The following PTPRT variants were observed in gnomAD, a reference collection of about 807,000 sequenced individuals.
PTPRT encodes protein tyrosine phosphatase receptor type T.
Under a neutral mutation model 176.8 loss-of-function variants are expected in PTPRT, and 56 were observed. The observed-to-expected ratio is 0.32, with a 90% CI of 0.26 to 0.40. PTPRT has a LOEUF of 0.40. PTPRT is among the 10% of genes least tolerant of loss of function. PTPRT has a pLI of 1.00. For synonymous variants in PTPRT, 783 were observed against 739.0 expected, an observed-to-expected ratio of 1.06 and a Z score of -0.96; for missense variants, 1,540 against 1,908.2, an observed-to-expected ratio of 0.81 and a Z score of 3.60.
intron 1 of PTPRT, among the ~76,000 whole-genome samples, chr20:42,973,851 T>C (rs921453861): frequency 2.6e-5 from 4 of 152,248 alleles, no homozygotes; most frequent in Non-Finnish European, 5.9e-5. Flanking sequence ...ATTTTACCAG[T>C]ACTCCATTTA....
chr20:42,900,494 G>C (rs1389230019), intron 1 of PTPRT, among the ~76,000 whole-genome samples: 3 of 152,084 alleles, frequency 2.0e-5, no homozygotes. Flanking sequence ...ACATCCTTGA[G>C]TTCTGACTGG....
intron 1 of PTPRT, among the ~76,000 whole-genome samples, chr20:43,072,798 CTCAG>C (rs1327907472): frequency 6.6e-6 from 1 of 152,140 alleles, no homozygotes; most frequent in East Asian, 1.9e-4. Context: ...AAACTATTTC[CTCAG>C]TCAATTAAAC....
chr20:42,710,345 A>G (rs540096905), intron 6 of PTPRT, among the ~76,000 whole-genome samples: 1 of 152,264 alleles, frequency 6.6e-6, no homozygotes, highest in South Asian at 2.1e-4. Context: ...CATAGGAGGA[A>G]AGAATGGTTT....
intron 2 of PTPRT, among the ~76,000 whole-genome samples, chr20:42,798,210 G>A (rs559607439): frequency 5.9e-5 from 9 of 152,250 alleles, no homozygotes; most frequent in African/African-American, 2.2e-4. Context: ...CTAATGTCCA[G>A]GAAACAGGCA....
intron 1 of PTPRT, among the ~76,000 whole-genome samples, chr20:43,151,874 A>AGAAACC (rs1215954188): frequency 6.6e-6 from 1 of 152,156 alleles, no homozygotes; most frequent in Non-Finnish European, 1.5e-5. Flanking sequence ...AAAAAAAAAA[A>AGAAACC]AAGAAACCAA....
At chr20:43,167,556 C>G (rs1224536630) in intron 1 of PTPRT, among the ~76,000 whole-genome samples, 4 of 152,166 alleles carry the variant, frequency 2.6e-5, no homozygotes, top group African/African-American at 7.2e-5. Context: ...TTGAATGTGG[C>G]TAGACTAGTG....
At position 42,278,626 on chromosome 20, in the gene PTPRT, G is replaced by A. The variant is rs189099944; in HGVS notation, c.2176+3863C>T. The stretch of plus-strand genomic sequence containing the variant: ...GAACTGGGCATCAGTTTCTCAAAGG[G>A]GGACTGAACAATATAGTTCTAGAAT... On this transcript the variant is annotated intron_variant, in intron 13 of 30. Transcript: ENST00000373187. Among the ~76,000 whole-genome samples, 320 of 152,196 alleles carry A rather than the reference G, an allele frequency of 2.1e-3. 1 individual carries two copies. The highest frequency in any genetic ancestry group is 7.4e-3 in the African/African-American group (308 of 41,532).
At chr20:42,944,812 G>A (rs1475221547) in intron 1 of PTPRT, among the ~76,000 whole-genome samples, 2 of 152,114 alleles carry the variant, frequency 1.3e-5, no homozygotes, top group African/African-American at 4.8e-5. Context: ...AGTATTTATT[G>A]TAATTTGCAA....
chr20:42,961,087 TAAAC>T (rs1981959154), intron 1 of PTPRT, among the ~76,000 whole-genome samples: 1 of 152,024 alleles, frequency 6.6e-6, no homozygotes, highest in Non-Finnish European at 1.5e-5. Context: ...AAAAATGAGA[TAAAC>T]AGATAAAAAG....
chr20:42,630,170 C>T (rs1191288524), intron 7 of PTPRT, among the ~76,000 whole-genome samples: 1 of 152,028 alleles, frequency 6.6e-6, no homozygotes, highest in Admixed American at 6.6e-5. Context: ...TACACTGCTA[C>T]CTTTGAAGAT....
At chr20:42,961,656 C>T (rs968427961) in intron 1 of PTPRT, among the ~76,000 whole-genome samples, 1 of 152,104 alleles carries the variant, frequency 6.6e-6, no homozygotes, top group African/African-American at 2.4e-5. Flanking sequence ...TGGGAGGGGG[C>T]CCCCACACTC....
intron 2 of PTPRT, among the ~76,000 whole-genome samples, chr20:42,815,806 A>G (rs2077773768): frequency 6.6e-6 from 1 of 152,190 alleles, no homozygotes; most frequent in Non-Finnish European, 1.5e-5. Flanking sequence ...CCATAACTTC[A>G]AATTTTTAAG....
chr20:42,339,780 C>T (rs2058087202), intron 11 of PTPRT, among the ~76,000 whole-genome samples: 1 of 152,228 alleles, frequency 6.6e-6, no homozygotes, highest in East Asian at 1.9e-4. Context: ...GATTATACCA[C>T]TTCCCACATT....
intron 23 of PTPRT, among the ~76,000 whole-genome samples, chr20:42,109,948 G>A (rs1395670428): frequency 6.6e-6 from 1 of 152,280 alleles, no homozygotes; most frequent in East Asian, 1.9e-4. Context: ...GGGGGACACA[G>A]GAAGAGGAGT....
chr20:42,448,449 T>G (rs2145853269), intron 8 of PTPRT, 120 bp from the exon 9 acceptor site: 1 of 715,912 alleles, frequency 1.4e-6, no homozygotes, highest in Non-Finnish European at 2.5e-6. Flanking sequence ...ATATTTTAGG[T>G]CTGATGGGCT....
intron 7 of PTPRT, among the ~76,000 whole-genome samples, chr20:42,634,048 TATATTATAAATATATAATATATA>T (rs2074525560): frequency 3.2e-5 from 1 of 31,250 alleles, no homozygotes; most frequent in African/African-American, 1.9e-4. Flanking sequence ...ATATTATATA[TATATTATAAATATATAATATATA>T]TATAATATAT....
intron 6 of PTPRT, among the ~76,000 whole-genome samples, chr20:42,751,555 A>C (rs979057744): frequency 6.6e-6 from 1 of 152,192 alleles, no homozygotes; most frequent in Non-Finnish European, 1.5e-5. Flanking sequence ...TATTTGAGTC[A>C]GCGGACTGGG....
At chr20:42,742,217 C>T (rs973945068) in intron 6 of PTPRT, among the ~76,000 whole-genome samples, 4 of 152,220 alleles carry the variant, frequency 2.6e-5, no homozygotes, top group African/African-American at 9.6e-5. Flanking sequence ...TCAGCTCCCA[C>T]AAAATGCTGA....
chr20:42,751,736 G>A (rs1395827335), intron 6 of PTPRT, among the ~76,000 whole-genome samples: 1 of 152,102 alleles, frequency 6.6e-6, no homozygotes, highest in Non-Finnish European at 1.5e-5. Flanking sequence ...GGCTTTTGGA[G>A]TCTTGGACTT....
Sources: allele counts gnomAD v4.1 joint callset (sites outside exome capture counted in the v4.1 genomes callset), GRCh38; gene constraint gnomAD v4.1.1; transcripts MANE v1.5; gene names NCBI Gene and HGNC (gene_info 2026-07-23, HGNC 2026-07-21).